PXYLP1: variants seen among roughly 807,000 people sequenced by gnomAD.
The protein encoded by PXYLP1 is 2-phosphoxylose phosphatase 1, also known as acid phosphatase-like 2.
A neutral mutation model predicts 37.9 loss-of-function variants in PXYLP1; 17 were observed. That is an observed-to-expected ratio of 0.45 (90% confidence interval 0.31 to 0.67). The LOEUF is 0.67. Ranked by LOEUF, PXYLP1 falls within the 30% of genes least tolerant of loss-of-function variation. The pLI, the probability that PXYLP1 is intolerant of heterozygous loss-of-function variation, is 0.07. For missense variants in PXYLP1, 511 were observed against 612.0 expected (o/e 0.84, Z 1.74); for synonymous variants, 221 against 232.2 (o/e 0.95, Z 0.44).
Position 141,281,265 on chromosome 3 carries a change from G to A in PXYLP1, c.365+1761G>A, listed in dbSNP as rs771657461. Reference sequence around the variant, plus strand: ...GAAGGGGCCAGCCCTGTGATGGTCCGGGGACAGAGCGTTCCCTATGGAGTA... The same window carrying A: ...GAAGGGGCCAGCCCTGTGATGGTCCAGGGACAGAGCGTTCCCTATGGAGTA... On this transcript the variant is annotated intron_variant, in intron 4 of 5. Coordinates refer to ENST00000286353, the MANE Select transcript of PXYLP1 (RefSeq NM_001037172.3). Among the ~76,000 whole-genome samples the A allele has an allele frequency of 6.6e-5, 10 of 152,190 alleles. 1 individual carries two copies. Among genetic ancestry groups the A allele is most frequent in the Admixed American group, 1.3e-4 (2 of 15,284 alleles).
At chr3:141,290,718 G>C (rs1197853068) in intron 5 of PXYLP1, among the ~76,000 whole-genome samples, 1 of 152,238 alleles carries the variant, frequency 6.6e-6, no homozygotes, top group Admixed American at 6.5e-5. Flanking sequence ...ATTAGGACCA[G>C]ATGGGGTCTT....
chr3:141,279,612 A>C, intron 4 of PXYLP1, 108 bp downstream of exon 4: 1 of 1,375,436 alleles, frequency 7.3e-7, no homozygotes, highest in Non-Finnish European at 1.0e-6. Flanking sequence ...CAGGAGCCTG[A>C]GCTCAGAGCA....
chr3:141,294,294 A>G lies in PXYLP1; in HGVS notation c.*1089A>G, dbSNP rs1292498242. ...AGATGAATTCAGGCACTTTCTTCCA[A>G]TAAAACTAATTATGGCTCATTCCCT... On this transcript the variant is annotated 3_prime_UTR_variant, in exon 6 of 6. Transcript: ENST00000286353. The G allele has an allele frequency of 1.3e-5, 2 of 152,242 alleles. No individual in the cohort carries two copies. The highest frequency in any genetic ancestry group is 2.9e-5 in the Non-Finnish European group (2 of 68,044). The allele number at this position is 152,242 out of a possible 1,614,324, so 9.4% of individuals were successfully genotyped here.
chr3:141,270,144 C>T (rs1351707154), intron 2 of PXYLP1, among the ~76,000 whole-genome samples: 1 of 152,236 alleles, frequency 6.6e-6, no homozygotes, highest in African/African-American at 2.4e-5. Context: ...GTATCAGAAG[C>T]ACTTAATAAA....
Position 141,293,030 on chromosome 3 carries a change from A to C in PXYLP1, c.1268A>C (p.Tyr423Ser). ...AGTGAACATTCCGTCCGGATTCTTT[A>C]CAATGGCGTCGATGTCACATTCCAC... ...KPSEHSVRIL[Y>S]NGVDVTFHTS... Residue 423 changes from tyrosine to serine, a missense_variant, in exon 6 of 6, where the codon TAC becomes TCC. Transcript: ENST00000286353. The C allele has an allele frequency of 6.2e-7, 1 of 1,614,234 alleles. No homozygotes were observed. Among genetic ancestry groups the C allele is most frequent in the Non-Finnish European group, 8.5e-7 (1 of 1,180,046 alleles).
intron 2 of PXYLP1, among the ~76,000 whole-genome samples, chr3:141,260,692 G>A (rs535312486): frequency 2.0e-5 from 3 of 152,338 alleles, no homozygotes; most frequent in Non-Finnish European, 4.4e-5. Flanking sequence ...CCCCCAGGCA[G>A]CAGGGGCTGC....
intron 2 of PXYLP1, among the ~76,000 whole-genome samples, chr3:141,269,610 T>C (rs1941612774): frequency 6.6e-6 from 1 of 152,312 alleles, no homozygotes; most frequent in East Asian, 1.9e-4. Flanking sequence ...AGGGGTCTTG[T>C]AAACCCCCAG....
intron 1 of PXYLP1, among the ~76,000 whole-genome samples, chr3:141,247,915 T>G (rs1274997343): frequency 2.0e-5 from 3 of 152,202 alleles, no homozygotes; most frequent in Non-Finnish European, 4.4e-5. Flanking sequence ...TCAACCACTT[T>G]GGCTCCCAAA....
At chr3:141,272,597 A>T (rs1941689830) in intron 2 of PXYLP1, 2 of 153,038 alleles carry the variant, frequency 1.3e-5, no homozygotes, top group African/African-American at 4.8e-5. Context: ...TATAAAGGGG[A>T]GTTTATTAAG....
At chr3:141,237,994 G>A (rs1413919638) in intron 1 of PXYLP1, among the ~76,000 whole-genome samples, 2 of 152,196 alleles carry the variant, frequency 1.3e-5, no homozygotes, top group African/African-American at 2.4e-5. Context: ...TAGTCACCTG[G>A]TTTTGCCAAC....
At chr3:141,254,355 C>T (rs973622304) in intron 1 of PXYLP1, among the ~76,000 whole-genome samples, 2 of 152,200 alleles carry the variant, frequency 1.3e-5, no homozygotes, top group African/African-American at 4.8e-5. Context: ...TAGAATAGTG[C>T]CTGGCACTTA....
chr3:141,246,214 G>A (rs12486843), intron 1 of PXYLP1, among the ~76,000 whole-genome samples: 65,921 of 151,998 alleles, frequency 0.43, 16,819 homozygotes, highest in South Asian at 0.61. Context: ...AGATGAGACT[G>A]GCTGTATGTT....
intron 1 of PXYLP1, among the ~76,000 whole-genome samples, chr3:141,252,467 C>T (rs928314929): frequency 2.0e-5 from 3 of 152,142 alleles, no homozygotes; most frequent in African/African-American, 4.8e-5. Flanking sequence ...GCGTATCACA[C>T]GGTGAGAGCG....
chr3:141,262,635 G>T, intron 2 of PXYLP1: 1 of 1,498,690 alleles, frequency 6.7e-7, no homozygotes, highest in Non-Finnish European at 8.8e-7. Flanking sequence ...GGGTAAATTA[G>T]CCTGTCTGGG....
intron 2 of PXYLP1, 43 bp downstream of exon 2, chr3:141,260,297 T>A: frequency 6.3e-7 from 1 of 1,597,440 alleles, no homozygotes. Flanking sequence ...GGGTAGGGGC[T>A]TCATAGGAAA....
chr3:141,290,271 G>A (rs956357378), intron 5 of PXYLP1, among the ~76,000 whole-genome samples: 23 of 152,220 alleles, frequency 1.5e-4, no homozygotes, highest in African/African-American at 5.5e-4. Flanking sequence ...GGAGACAACT[G>A]CCTGTAATGC....
At position 141,265,807 on chromosome 3, in the gene PXYLP1, A is replaced by T. The variant is rs558493562; in HGVS notation, c.79+5553A>T. Among the ~76,000 whole-genome samples the T allele has an allele frequency of 5.3e-5, 8 of 152,282 alleles. No homozygotes were observed. The South Asian group carries it at 1.7e-3, about 32-fold the overall frequency. ...GTGGAAGTAAATTCTCAGAACACAG[A>T]CTGGGAAGTCAACCATGCAGGGCTG... is the stretch of plus-strand genomic sequence containing the variant. On this transcript the variant is annotated intron_variant, in intron 2 of 5. Coordinates refer to ENST00000286353, the MANE Select transcript of PXYLP1 (RefSeq NM_001037172.3).
rs912797916 is a variant in PXYLP1 at position 141,274,328 on chromosome 3, T to G, written c.80-4014T>G. 3 of 1,395,178 alleles carry G rather than the reference T, an allele frequency of 2.2e-6. No homozygotes were observed. In the African/African-American group the frequency reaches 4.4e-5, roughly 20 times the overall value. The allele number at this position is 1,395,178 out of a possible 1,614,324, so 86.4% of individuals were successfully genotyped here. The stretch of plus-strand genomic sequence containing the variant: ...TGGAGCCCGGCCTGCACATCGACCC[T>G]GGTGAGGCCAACCTGACCAGGCCTT... On this transcript the variant is annotated intron_variant, in intron 2 of 5. Transcript: ENST00000286353.
intron 4 of PXYLP1, among the ~76,000 whole-genome samples, chr3:141,280,745 T>G (rs968280140): frequency 1.3e-5 from 2 of 152,216 alleles, no homozygotes; most frequent in Admixed American, 1.3e-4. Context: ...TCCCAGGTGC[T>G]ACTTCAGCTT....
Sources: allele counts gnomAD v4.1 joint callset (sites outside exome capture counted in the v4.1 genomes callset), GRCh38; gene constraint gnomAD v4.1.1; transcripts MANE v1.5; gene names NCBI Gene and HGNC (gene_info 2026-07-23, HGNC 2026-07-21).